ZNF680: variants seen among roughly 807,000 people sequenced by gnomAD.
ZNF680 encodes the protein hypothetical protein FLJ90430.
In ZNF680, 6 loss-of-function variants were observed where a neutral mutation model predicts 12.1. The observed-to-expected ratio is 0.49, with a 90% confidence interval of 0.27 to 0.98. The LOEUF (loss-of-function observed/expected upper bound fraction) is 0.98, where lower values mean the gene tolerates loss of function less well. Among genes scored for constraint, ZNF680 ranks in the 50% least tolerant of loss-of-function variants. The pLI is 0.12. For synonymous variants in ZNF680, 170 were observed against 199.3 expected, an observed-to-expected ratio of 0.85 and a Z score of 1.24; for missense variants, 561 against 616.3, an observed-to-expected ratio of 0.91 and a Z score of 0.95.
chr7:64,520,431 T>C lies in ZNF680; in HGVS notation c.*730A>G, dbSNP rs1340575449. 6.6e-6 allele frequency: 1 copy of C among 151,880 alleles called. No individual in the cohort carries two copies. The highest frequency in any genetic ancestry group is 2.4e-5 in the African/African-American group (1 of 41,440). 9.4% of individuals were successfully genotyped at this position (151,880 alleles called of 1,614,324 possible). On this transcript the variant is annotated 3_prime_UTR_variant, in exon 4 of 4. Coordinates refer to ENST00000309683, the MANE Select transcript of ZNF680 (RefSeq NM_178558.5). ...AATAATCTAACAACTTATAGATTTT[T>C]TTATACTCAACACTCTGTTTTAGTG... is the stretch of plus-strand genomic sequence containing the variant.
chr7:64,562,396 CTG>C (rs1466725209), intron 1 of ZNF680, among the ~76,000 whole-genome samples: 1 of 152,148 alleles, frequency 6.6e-6, no homozygotes, highest in Non-Finnish European at 1.5e-5. Context: ...AGTTATGTAA[CTG>C]TACCTAACCG....
In ZNF680 at chr7:64,522,142, G is replaced by A; in HGVS notation, c.612C>T (p.His204=). The stretch of plus-strand genomic sequence containing the variant: ...CACATTTGTAAGAATTCTCTCTAGT[G>A]TGAATTCTTATATGTTGTGTTAGAT... ...LSHLTQHIRI[H]TRENSYKCEE... Residue 204 remains histidine, a synonymous_variant, in exon 4 of 4, where the codon CAC becomes CAT. Transcript: ENST00000309683. 2 of 1,612,298 alleles carry A rather than the reference G, an allele frequency of 1.2e-6. No individual in the cohort carries two copies. The highest frequency in any genetic ancestry group is 1.7e-6 in the Non-Finnish European group (2 of 1,179,122).
the ZNF680 span, chr7:64,501,658 A>G: frequency 1.0e-6 from 1 of 978,758 alleles, no homozygotes; most frequent in Non-Finnish European, 1.6e-6. Flanking sequence ...GCTGGAGTTG[A>G]CCAAGGATGA....
At chr7:64,508,148 A>ATT in the ZNF680 span, among the ~76,000 whole-genome samples, 1 of 95,384 alleles carries the variant, frequency 1.0e-5, no homozygotes, top group Non-Finnish European at 1.9e-5. Flanking sequence ...TATATACATA[A>ATT]TTTTTTTTTT....
chr7:64,531,103 C>T (rs1047977985), intron 3 of ZNF680, among the ~76,000 whole-genome samples: 1 of 151,996 alleles, frequency 6.6e-6, no homozygotes, highest in Non-Finnish European at 1.5e-5. Flanking sequence ...AAACAACGGA[C>T]TTAAACTATA....
At chr7:64,502,004 T>C in the ZNF680 span, among the ~76,000 whole-genome samples, 7 of 103,302 alleles carry the variant, frequency 6.8e-5, 1 homozygote, top group South Asian at 1.1e-3. Flanking sequence ...TTTCTTTTTT[T>C]TTTTTTTTTT....
chr7:64,557,311 C>G (rs1787470505), intron 1 of ZNF680, among the ~76,000 whole-genome samples: 1 of 151,442 alleles, frequency 6.6e-6, no homozygotes, highest in Non-Finnish European at 1.5e-5. Flanking sequence ...AATCTCAGCA[C>G]TTTGGGAGGC....
chr7:64,528,490 A>G (rs1045480336), intron 3 of ZNF680, among the ~76,000 whole-genome samples: 2 of 152,208 alleles, frequency 1.3e-5, no homozygotes, highest in African/African-American at 4.8e-5. Flanking sequence ...GGTGGGGCAC[A>G]GTAGGAGTAA....
chr7:64,544,129 G>A, intron 2 of ZNF680, 177 bp downstream of exon 2: 1 of 879,982 alleles, frequency 1.1e-6, no homozygotes. Flanking sequence ...GAAAGTTCAG[G>A]TCAAGATGAA....
chr7:64,501,739 G>T, the ZNF680 span: 1 of 912,202 alleles, frequency 1.1e-6, no homozygotes. Flanking sequence ...AGCACATAGT[G>T]GGGGTTAGAA....
chr7:64,509,866 T>C, the ZNF680 span, among the ~76,000 whole-genome samples: 10 of 151,884 alleles, frequency 6.6e-5, no homozygotes, highest in Non-Finnish European at 1.3e-4. Context: ...ATGCCCCTTC[T>C]CTCTTGCTCT....
At chr7:64,510,217 TA>T in the ZNF680 span, among the ~76,000 whole-genome samples, 1 of 86,354 alleles carries the variant, frequency 1.2e-5, no homozygotes, top group East Asian at 2.8e-4. Flanking sequence ...GGTGATCCCA[TA>T]AATACGTAAT....
chr7:64,509,684 G>T, the ZNF680 span, among the ~76,000 whole-genome samples: 2 of 152,104 alleles, frequency 1.3e-5, no homozygotes, highest in Non-Finnish European at 2.9e-5. Flanking sequence ...TGGGCTGAGT[G>T]GGTCTAGAAA....
At chr7:64,538,508 A>G (rs1463287359) in intron 3 of ZNF680, among the ~76,000 whole-genome samples, 1 of 152,224 alleles carries the variant, frequency 6.6e-6, no homozygotes, top group African/African-American at 2.4e-5. Flanking sequence ...ATTTGAAAGG[A>G]TACACAAAAT....
the ZNF680 span, chr7:64,501,468 A>T: frequency 1.1e-6 from 1 of 886,626 alleles, no homozygotes; most frequent in Non-Finnish European, 1.9e-6. Context: ...ACCTGGAAAA[A>T]TTTAAAAGGA....
At chr7:64,532,792 T>G (rs2116432433) in intron 3 of ZNF680, among the ~76,000 whole-genome samples, 1 of 152,298 alleles carries the variant, frequency 6.6e-6, no homozygotes, top group South Asian at 2.1e-4. Context: ...ACCAGCTAAC[T>G]GAATCCAACA....
intron 3 of ZNF680, among the ~76,000 whole-genome samples, chr7:64,541,685 G>A (rs1414295974): frequency 6.6e-6 from 1 of 152,152 alleles, no homozygotes; most frequent in Non-Finnish European, 1.5e-5. Flanking sequence ...TGCAGACCAG[G>A]AAATGGCCCA....
the ZNF680 span, among the ~76,000 whole-genome samples, chr7:64,507,289 G>T: frequency 6.6e-6 from 1 of 152,180 alleles, no homozygotes; most frequent in Admixed American, 6.5e-5. Context: ...GACTGGGGGT[G>T]GTTGGAAGGA....
chr7:64,516,286 C>A (rs536488890), downstream of ZNF680, among the ~76,000 whole-genome samples: 9 of 152,270 alleles, frequency 5.9e-5, no homozygotes, highest in African/African-American at 1.9e-4. Context: ...CCTGTTAAAT[C>A]TTGTTGCATT....
Sources: gnomAD v4.1 joint callset for allele counts (sites outside exome capture counted in the v4.1 genomes callset) on GRCh38, gnomAD v4.1.1 for gene constraint, MANE v1.5 for transcripts, NCBI Gene and HGNC (gene_info 2026-07-23, HGNC 2026-07-21) for gene names.